The following ATXN10 variants were observed in gnomAD, a reference collection of about 807,000 sequenced individuals.
ATXN10 encodes ataxin 10.
In ATXN10, 28 loss-of-function variants were observed where a neutral mutation model predicts 52.9. The ratio of observed to expected loss-of-function variants is 0.53; its 90% CI spans 0.39 to 0.73. The LOEUF is 0.73. Ranked by LOEUF, ATXN10 falls within the 30% of genes least tolerant of loss-of-function variation. The pLI is 0.00. For synonymous variants in ATXN10, 226 were observed against 221.5 expected (o/e 1.02, Z -0.18); for missense variants, 565 against 577.0 (o/e 0.98, Z 0.21).
At chr22:45,710,798 T>A (rs1924216235) in intron 5 of ATXN10, among the ~76,000 whole-genome samples, 1 of 152,238 alleles carries the variant, frequency 6.6e-6, no homozygotes, top group South Asian at 2.1e-4. Flanking sequence ...GTATTTCCTG[T>A]CTGGCCCTTT....
intron 1 of ATXN10, among the ~76,000 whole-genome samples, chr22:45,680,482 A>G (rs9614503): frequency 0.038 from 5,761 of 152,196 alleles, 126 homozygotes; most frequent in Non-Finnish European, 0.04. Context: ...TTTCTAAGTT[A>G]TATGAGAAAC....
At chr22:45,724,149 C>T (rs776222373) in intron 6 of ATXN10, among the ~76,000 whole-genome samples, 33 of 151,928 alleles carry the variant, frequency 2.2e-4, no homozygotes, top group Non-Finnish European at 4.3e-4. Context: ...GATAAACATA[C>T]GCGTGCAGGT....
At chr22:45,806,647 G>C (rs942388931) in intron 9 of ATXN10, among the ~76,000 whole-genome samples, 3 of 151,998 alleles carry the variant, frequency 2.0e-5, no homozygotes, top group African/African-American at 4.8e-5. Flanking sequence ...TATTATTTAA[G>C]TTTAGATCTC....
intron 1 of ATXN10, among the ~76,000 whole-genome samples, chr22:45,680,520 T>G (rs1328385925): frequency 6.6e-6 from 1 of 152,154 alleles, no homozygotes; most frequent in Non-Finnish European, 1.5e-5. Context: ...CTCTCTGAAC[T>G]GTCATCCCTT....
Position 45,692,991 on chromosome 22 carries a change from C to T in ATXN10, c.309-5C>T. 1 of 1,613,466 alleles carries T rather than the reference C, an allele frequency of 6.2e-7. No homozygotes were observed. The highest frequency in any genetic ancestry group is 8.5e-7 in the Non-Finnish European group (1 of 1,179,766). On this transcript the variant is annotated splice_region_variant and splice_polypyrimidine_tract_variant and intron_variant, in intron 2 of 11. Transcript: ENST00000252934. ...GTCTAATTTTGTCTTTTTTAAAAAA[C>T]CCAGGAACTTGGATACGATTGGTGT...
At chr22:45,740,687 C>T (rs962046543) in intron 9 of ATXN10, 149 bp downstream of exon 9, 2 of 195,896 alleles carry the variant, frequency 1.0e-5, no homozygotes, top group African/African-American at 7.0e-5. Flanking sequence ...AATACACACA[C>T]ACACACACAC....
Position 45,843,610 on chromosome 22 carries a change from G to T in ATXN10, c.1426-59G>T. The T allele has an allele frequency of 6.3e-7, 1 of 1,576,470 alleles. No homozygotes were observed. Among genetic ancestry groups the T allele is most frequent in the South Asian group, 1.1e-5 (1 of 89,212 alleles). ...TTCTGGGTTTTTTCCCCTTTTGTCT[G>T]ATGAATCTTGTGAACAGATTTGCTA... is the stretch of plus-strand genomic sequence containing the variant. On this transcript the variant is annotated intron_variant, in intron 11 of 11. Coordinates refer to ENST00000252934, the MANE Select transcript of ATXN10 (RefSeq NM_013236.4). This position sits in a 1 kb window ranked among gnomAD's most constrained non-coding sequence, Gnocchi z 4.5.
chr22:45,760,526 G>C (rs994116638), intron 9 of ATXN10: 6 of 153,868 alleles, frequency 3.9e-5, no homozygotes, highest in Admixed American at 2.6e-4. Context: ...CATTATTTCT[G>C]ATACCCCAAA....
At chr22:45,778,311 C>T (rs1338211374) in intron 9 of ATXN10, among the ~76,000 whole-genome samples, 1 of 152,136 alleles carries the variant, frequency 6.6e-6, no homozygotes, top group Non-Finnish European at 1.5e-5. Flanking sequence ...ATGTGCCAGG[C>T]CCTGCTCCAA....
At position 45,754,627 on chromosome 22, in the gene ATXN10, C is replaced by T. The variant is rs533971418; in HGVS notation, c.1173+14089C>T. Among the ~76,000 whole-genome samples the T allele has an allele frequency of 4.6e-5, 7 of 152,212 alleles. No individual in the cohort carries two copies. Among genetic ancestry groups the T allele is most frequent in the African/African-American group, 1.4e-4 (6 of 41,526 alleles). ...CAGCACTTTGGGAGGCCGAGGCCAG[C>T]GGATCACCTGAGGTCAGGAGTTCGA... On this transcript the variant is annotated intron_variant, in intron 9 of 11. Coordinates refer to ENST00000252934, the MANE Select transcript of ATXN10 (RefSeq NM_013236.4). This position sits in a 1 kb window ranked among gnomAD's most constrained non-coding sequence, Gnocchi z 5.4.
chr22:45,779,549 G>T (rs768396487), intron 9 of ATXN10, among the ~76,000 whole-genome samples: 1 of 152,288 alleles, frequency 6.6e-6, no homozygotes, highest in East Asian at 1.9e-4. Flanking sequence ...CTTGCAGTAC[G>T]CAACCACTGG....
At chr22:45,807,703 G>C (rs1442978990) in intron 10 of ATXN10, among the ~76,000 whole-genome samples, 4 of 152,196 alleles carry the variant, frequency 2.6e-5, no homozygotes, top group Non-Finnish European at 5.9e-5. Context: ...GATACAGCTT[G>C]TTTAGATTTG....
chr22:45,709,866 C>T (rs1924178196), intron 5 of ATXN10, among the ~76,000 whole-genome samples: 1 of 152,152 alleles, frequency 6.6e-6, no homozygotes, highest in Non-Finnish European at 1.5e-5. Context: ...TAACTGGTAC[C>T]ACCATTTACT....
At chr22:45,776,920 A>G (rs899668350) in intron 9 of ATXN10, among the ~76,000 whole-genome samples, 1 of 152,018 alleles carries the variant, frequency 6.6e-6, no homozygotes, top group African/African-American at 2.4e-5. Context: ...TTTTATTCCT[A>G]TGCATCATTT....
Position 45,671,841 on chromosome 22 carries a change from C to T in ATXN10, c.-223C>T, listed in dbSNP as rs1922446626. On this transcript the variant is annotated 5_prime_UTR_variant, in exon 1 of 12. Transcript: ENST00000252934. ...CGCCCCCTCCCCCGCGGCGCCGTCTCCTCCTCCCGCCTGAGGCGAGTCTGG... is the reference window on the plus strand; with the variant it reads ...CGCCCCCTCCCCCGCGGCGCCGTCTTCTCCTCCCGCCTGAGGCGAGTCTGG... 7.8e-6 allele frequency: 3 copies of T among 385,734 alleles called. No individual in the cohort carries two copies. The highest frequency in any genetic ancestry group is 9.2e-6 in the Non-Finnish European group (2 of 218,500). 23.9% of individuals were successfully genotyped at this position (385,734 alleles called of 1,614,324 possible).
Position 45,787,380 on chromosome 22 carries a change from G to C in ATXN10, c.1174-19579G>C, listed in dbSNP as rs754347538. Reference sequence around the variant, plus strand: ...GAGTTCGGACCTTTTTCCGTCTACCGCTGTGTCTTGATCTGCCTCCTGGCC... The same window carrying C: ...GAGTTCGGACCTTTTTCCGTCTACCCCTGTGTCTTGATCTGCCTCCTGGCC... On this transcript the variant is annotated intron_variant, in intron 9 of 11. Coordinates refer to ENST00000252934, the MANE Select transcript of ATXN10 (RefSeq NM_013236.4). This position sits in a 1 kb window ranked among gnomAD's most constrained non-coding sequence, Gnocchi z 4.2. Among the ~76,000 whole-genome samples the C allele has an allele frequency of 6.6e-6, 1 of 152,082 alleles. No homozygotes were observed. Among genetic ancestry groups the C allele is most frequent in the Non-Finnish European group, 1.5e-5 (1 of 68,012 alleles).
intron 1 of ATXN10, chr22:45,679,665 G>A (rs1177927613): frequency 6.6e-6 from 1 of 152,166 alleles, no homozygotes; most frequent in Non-Finnish European, 1.5e-5. Context: ...ATGGCGTTTT[G>A]ACTCAACCAT....
rs1394549096 is a variant in ATXN10 at position 45,762,348 on chromosome 22, C to T, written c.1173+21810C>T. 6.6e-6 allele frequency among the ~76,000 whole-genome samples: 1 copy of T among 152,210 alleles called. No homozygotes were observed. The highest frequency in any genetic ancestry group is 1.9e-4 in the East Asian group (1 of 5,192). On this transcript the variant is annotated intron_variant, in intron 9 of 11. Transcript: ENST00000252934. This position sits in a 1 kb window ranked among gnomAD's most constrained non-coding sequence, Gnocchi z 4.3. ...CAGGGTAGGCACTCCCGCTTCATGA[C>T]TACATCTCATTTTTTATTTATCTTT... is the stretch of plus-strand genomic sequence containing the variant.
At chr22:45,764,899 G>A (rs746881265) in intron 9 of ATXN10, among the ~76,000 whole-genome samples, 1 of 152,150 alleles carries the variant, frequency 6.6e-6, no homozygotes, top group Non-Finnish European at 1.5e-5. Context: ...TTAAATTGTT[G>A]TGAGGTTTTT....
Sources: gnomAD v4.1 joint callset for allele counts (sites outside exome capture counted in the v4.1 genomes callset) on GRCh38, gnomAD v4.1.1 for gene constraint, Gnocchi (gnomAD v3.1) non-coding constraint, MANE v1.5 for transcripts, NCBI Gene and HGNC (gene_info 2026-07-23, HGNC 2026-07-21) for gene names.